Variants in TENM3 observed in about 807,000 individuals in gnomAD.
The protein encoded by TENM3 is teneurin-3.
In TENM3, 63 loss-of-function variants were observed where a neutral mutation model predicts 255.1. The observed-to-expected ratio is 0.25, with a 90% CI of 0.20 to 0.30. TENM3 has a LOEUF of 0.30. Ranked by LOEUF, TENM3 falls within the 10% of genes least tolerant of loss-of-function variation. The probability of loss-of-function intolerance (pLI) is 1.00; values close to 1 mark genes in which losing one functional copy is unlikely to be tolerated. For missense variants in TENM3, 2,929 were observed against 3,461.1 expected (o/e 0.85, Z 3.86); for synonymous variants, 1,306 against 1,322.3 (o/e 0.99, Z 0.27).
At chr4:182,422,876 T>C (rs981290550) in intron 3 of TENM3, among the ~76,000 whole-genome samples, 1 of 152,204 alleles carries the variant, frequency 6.6e-6, no homozygotes, top group Non-Finnish European at 1.5e-5. Flanking sequence ...TGTTGCCCCC[T>C]TCTTCCAGAT....
intron 3 of TENM3, among the ~76,000 whole-genome samples, chr4:182,366,368 T>A (rs1040150722): frequency 1.3e-4 from 20 of 151,742 alleles, no homozygotes; most frequent in African/African-American, 4.8e-4. Context: ...TGTACAAATA[T>A]AATTATATTT....
At chr4:182,057,350 T>C in the TENM3 span, among the ~76,000 whole-genome samples, 10 of 151,004 alleles carry the variant, frequency 6.6e-5, no homozygotes, top group Non-Finnish European at 1.3e-4. Flanking sequence ...AATAAAGAAG[T>C]TATATCCACT....
At chr4:182,639,873 C>T (rs758059380) in intron 5 of TENM3, among the ~76,000 whole-genome samples, 8 of 152,094 alleles carry the variant, frequency 5.3e-5, no homozygotes, top group Non-Finnish European at 7.3e-5. Context: ...GGGCAGATCA[C>T]GGGTTCAGGA....
At chr4:181,868,705 G>A in the TENM3 span, among the ~76,000 whole-genome samples, 1 of 152,194 alleles carries the variant, frequency 6.6e-6, no homozygotes, top group Non-Finnish European at 1.5e-5. Flanking sequence ...AATATGGGAT[G>A]AAGATTTTGC....
chr4:182,383,877 C>G (rs888974718), intron 3 of TENM3, among the ~76,000 whole-genome samples: 1 of 152,210 alleles, frequency 6.6e-6, no homozygotes, highest in Non-Finnish European at 1.5e-5. Flanking sequence ...TCACCTTCAA[C>G]AAGCAGCGGT....
rs1258962571 is a variant in TENM3, at chr4:182,589,621, A to G, written c.512-11303A>G. Among the ~76,000 whole-genome samples the G allele has an allele frequency of 2.0e-5, 3 of 152,106 alleles. No individual in the cohort carries two copies. The East Asian group carries it at 5.8e-4, about 29-fold the overall frequency. Reference sequence around the variant, plus strand: ...AATTTTGTAGTTTGTGAACTCACTGAAAGCAAGGTTCGGTCTTAGAAATCC... The same window carrying G: ...AATTTTGTAGTTTGTGAACTCACTGGAAGCAAGGTTCGGTCTTAGAAATCC... On this transcript the variant is annotated intron_variant, in intron 3 of 27. Coordinates refer to ENST00000511685, the MANE Select transcript of TENM3 (RefSeq NM_001080477.4).
chr4:182,728,846 A>T, intron 13 of TENM3, 119 bp from the exon 14 acceptor site: 1 of 731,882 alleles, frequency 1.4e-6, no homozygotes. Context: ...AATTACTATC[A>T]GATAGTCGGG....
the TENM3 span, among the ~76,000 whole-genome samples, chr4:181,470,108 T>TAAAAAAAAAAA: frequency 1.3e-3 from 146 of 112,696 alleles, no homozygotes; most frequent in African/African-American, 2.3e-3. Flanking sequence ...ATAGCTTCTG[T>TAAAAAAAAAAA]AAAAAAAAAA....
At chr4:181,554,197 A>C in the TENM3 span, among the ~76,000 whole-genome samples, 1 of 152,176 alleles carries the variant, frequency 6.6e-6, no homozygotes, top group South Asian at 2.1e-4. Flanking sequence ...GCACTTACGT[A>C]ATTACTAGAA....
intron 3 of TENM3, among the ~76,000 whole-genome samples, chr4:182,504,655 T>G (rs1164332697): frequency 1.3e-5 from 2 of 152,210 alleles, no homozygotes; most frequent in Non-Finnish European, 2.9e-5. Context: ...TAAAAGCATT[T>G]TCTATTACTG....
chr4:181,674,739 G>T, the TENM3 span, among the ~76,000 whole-genome samples: 1 of 152,118 alleles, frequency 6.6e-6, no homozygotes, highest in African/African-American at 2.4e-5. Flanking sequence ...AGGTCAATGT[G>T]CATACTCTAT....
the TENM3 span, among the ~76,000 whole-genome samples, chr4:182,128,499 G>T: frequency 1.3e-5 from 2 of 152,150 alleles, no homozygotes; most frequent in South Asian, 4.2e-4. Context: ...AGCCACCAGC[G>T]CCTGGCCTGT....
Position 182,775,956 on chromosome 4 carries a change from T to TGATAGATA in TENM3, c.5304+819_5304+826dup, listed in dbSNP as rs60739992. Among the ~76,000 whole-genome samples, 1,429 of 151,142 alleles carry TGATAGATA rather than the reference T, an allele frequency of 9.5e-3. 8 individuals are homozygous for TGATAGATA. The highest frequency in any genetic ancestry group is 0.016 in the Admixed American group (250 of 15,190). ...ACAAGATAGATAGGAGATATGTAGATGATAGATAGATAGATAGATAGATTA... is the reference window on the plus strand; with the variant it reads ...ACAAGATAGATAGGAGATATGTAGATGATAGATAGATAGATAGATAGATAGATAGATTA... On this transcript the variant is annotated intron_variant, in intron 24 of 27. Coordinates refer to ENST00000511685, the MANE Select transcript of TENM3 (RefSeq NM_001080477.4).
chr4:182,615,840 A>T (rs1749461457), intron 4 of TENM3, among the ~76,000 whole-genome samples: 1 of 152,222 alleles, frequency 6.6e-6, no homozygotes, highest in Non-Finnish European at 1.5e-5. Flanking sequence ...TAAATTGACT[A>T]CTCGAAGTAA....
At chr4:181,749,861 T>A in the TENM3 span, among the ~76,000 whole-genome samples, 1 of 152,118 alleles carries the variant, frequency 6.6e-6, no homozygotes, top group Non-Finnish European at 1.5e-5. Flanking sequence ...AACAAGGTGC[T>A]CTTAAAGGGG....
intron 3 of TENM3, among the ~76,000 whole-genome samples, chr4:182,531,190 T>C (rs898945111): frequency 6.6e-6 from 1 of 152,214 alleles, no homozygotes; most frequent in African/African-American, 2.4e-5. Flanking sequence ...GTATTCACTT[T>C]TGTTAAATAC....
At chr4:181,739,616 A>G in the TENM3 span, among the ~76,000 whole-genome samples, 1 of 152,092 alleles carries the variant, frequency 6.6e-6, no homozygotes, top group Non-Finnish European at 1.5e-5. Flanking sequence ...GCCTCTATAT[A>G]AGCTTTCCAC....
At chr4:182,365,469 A>G (rs181451654) in intron 3 of TENM3, among the ~76,000 whole-genome samples, 250 of 152,318 alleles carry the variant, frequency 1.6e-3, no homozygotes, top group African/African-American at 5.8e-3. Flanking sequence ...GGTGTACGTG[A>G]GCTGGGGCAC....
At chr4:182,445,553 C>G (rs561933871) in intron 3 of TENM3, among the ~76,000 whole-genome samples, 1 of 152,080 alleles carries the variant, frequency 6.6e-6, no homozygotes, top group African/African-American at 2.4e-5. Flanking sequence ...CAGAAGCATT[C>G]TTAATATGAA....
Sources: allele counts gnomAD v4.1 joint callset (sites outside exome capture counted in the v4.1 genomes callset), GRCh38; gene constraint gnomAD v4.1.1; transcripts MANE v1.5; gene names NCBI Gene and HGNC (gene_info 2026-07-23, HGNC 2026-07-21).